USO1: variants seen among roughly 807,000 people sequenced by gnomAD.
The protein encoded by USO1 is general vesicular transport factor p115.
A neutral mutation model predicts 124.5 loss-of-function variants in USO1; 57 were observed. The ratio of observed to expected loss-of-function variants is 0.46; its 90% CI spans 0.37 to 0.57. USO1 has a LOEUF of 0.57. Among genes scored for constraint, USO1 ranks in the 20% least tolerant of loss-of-function variants. The pLI is 0.00. For synonymous variants in USO1, 369 were observed against 362.8 expected (o/e 1.02, Z -0.19); for missense variants, 900 against 1,040.6 (o/e 0.86, Z 1.86).
At chr4:75,781,771 T>A (rs894852669) in intron 8 of USO1, among the ~76,000 whole-genome samples, 1 of 150,924 alleles carries the variant, frequency 6.6e-6, no homozygotes, top group Non-Finnish European at 1.5e-5. Context: ...AAAAAAAAAA[T>A]AATTTATTTT....
At position 75,809,237 on chromosome 4, in the gene USO1, A is replaced by G. The variant is rs1220135041; in HGVS notation, c.2475+186A>G. Among the ~76,000 whole-genome samples, 4 of 152,316 alleles carry G rather than the reference A, an allele frequency of 2.6e-5. No homozygotes were observed. In the East Asian group the frequency reaches 5.8e-4, roughly 22 times the overall value. On this transcript the variant is annotated intron_variant, in intron 21 of 23. Transcript: ENST00000514213. Reference sequence around the variant, plus strand: ...CAGTCGTTTTATAGTCAGTCTCACCAGATTAGTTTATTCAGTTACTTAATA... The same window carrying G: ...CAGTCGTTTTATAGTCAGTCTCACCGGATTAGTTTATTCAGTTACTTAATA...
intron 10 of USO1, among the ~76,000 whole-genome samples, chr4:75,789,567 G>A (rs533599747): frequency 1.2e-4 from 18 of 152,086 alleles, no homozygotes; most frequent in Admixed American, 3.9e-4. Flanking sequence ...GAGTCACCAC[G>A]CCTGGCCTCT....
chr4:75,733,141 C>T (rs1720686869), intron 1 of USO1, among the ~76,000 whole-genome samples: 1 of 151,756 alleles, frequency 6.6e-6, no homozygotes. Context: ...CACCTGTAGT[C>T]CCAGCTACTT....
At chr4:75,797,913 G>C (rs946960929) in intron 13 of USO1, among the ~76,000 whole-genome samples, 9 of 152,176 alleles carry the variant, frequency 5.9e-5, no homozygotes, top group African/African-American at 1.9e-4. Flanking sequence ...AAAGTGCTGG[G>C]ATTACAGGCA....
At chr4:75,745,176 A>G (rs1475490093) in intron 1 of USO1, 2 of 285,628 alleles carry the variant, frequency 7.0e-6, no homozygotes, top group African/African-American at 4.5e-5. Flanking sequence ...TTTAATTCTT[A>G]AAAGTGAGTA....
rs147274985 is a variant in USO1 at position 75,755,250 on chromosome 4, G to A, written c.219-2247G>A. Among the ~76,000 whole-genome samples the A allele has an allele frequency of 9.1e-4, 139 of 152,340 alleles. 1 individual carries two copies. Among genetic ancestry groups the A allele is most frequent in the African/African-American group, 3.2e-3 (134 of 41,574 alleles). On this transcript the variant is annotated intron_variant, in intron 3 of 23. Transcript: ENST00000514213. ...TTAATAAGTACAGCCTATACTTAAGGAGAGGAGAATTAGGCTTCACTTTTT... is the reference window on the plus strand; with the variant it reads ...TTAATAAGTACAGCCTATACTTAAGAAGAGGAGAATTAGGCTTCACTTTTT...
intron 15 of USO1, 33 bp from the exon 16 acceptor site, chr4:75,800,585 T>C (rs1430327880): frequency 1.3e-6 from 2 of 1,529,240 alleles, no homozygotes; most frequent in Non-Finnish European, 1.7e-6. Flanking sequence ...ATTTTATTTT[T>C]TTTAAAGCAT....
chr4:75,799,734 T>C lies in USO1; in HGVS notation c.1563+2T>C, dbSNP rs758962677. ...CACAATTCAGCCAATGTTCCATTTG[T>C]ATCCTTTATGTTTTAGTAACGTACA... On this transcript the variant is annotated splice_donor_variant, in intron 14 of 23. Coordinates refer to ENST00000514213, the MANE Select transcript of USO1 (RefSeq NM_003715.4). LOFTEE classifies it high-confidence loss of function. The C allele has an allele frequency of 6.2e-7, 1 of 1,613,428 alleles. No homozygotes were observed. The highest frequency in any genetic ancestry group is 1.7e-5 in the Admixed American group (1 of 59,948).
At chr4:75,758,688 G>T (rs1271926512) in intron 4 of USO1, among the ~76,000 whole-genome samples, 1 of 152,124 alleles carries the variant, frequency 6.6e-6, no homozygotes, top group Non-Finnish European at 1.5e-5. Context: ...TTCAAGAGCA[G>T]CCTGGGCAAC....
chr4:75,771,240 G>A, intron 7 of USO1, 103 bp downstream of exon 7: 1 of 1,304,306 alleles, frequency 7.7e-7, no homozygotes, highest in Non-Finnish European at 1.0e-6. Context: ...TTAGAAAGCT[G>A]GAGTAATGAC....
chr4:75,805,056 A>C (rs1577974182), intron 18 of USO1, 84 bp from the exon 19 acceptor site: 1 of 1,453,202 alleles, frequency 6.9e-7, no homozygotes, highest in African/African-American at 1.4e-5. Flanking sequence ...TGAATGAAGA[A>C]AATTACATAT....
chr4:75,787,678 C>T (rs982267433), intron 10 of USO1, among the ~76,000 whole-genome samples: 8 of 152,052 alleles, frequency 5.3e-5, no homozygotes, highest in African/African-American at 9.7e-5. Flanking sequence ...CGTGCAATAT[C>T]GAAAGTACAA....
chr4:75,782,698 G>A lies in USO1; in HGVS notation c.695G>A (p.Cys232Tyr), dbSNP rs774906118. The A allele has an allele frequency of 6.4e-7, 1 of 1,566,038 alleles. No individual in the cohort carries two copies. Among genetic ancestry groups the A allele is most frequent in the Admixed American group, 1.9e-5 (1 of 51,774 alleles). The change falls in exon 9 of 24, where the codon TGT (cysteine) becomes TAT (tyrosine). Residue 232 changes from cysteine (C) to tyrosine (Y), a missense_variant. Cys to Tyr is a radical substitution (Grantham distance 194). This residue lies in a region of USO1 where 538 missense variants were observed against 681.6 expected (regional missense o/e 0.79). Coordinates refer to ENST00000514213, the MANE Select transcript of USO1 (RefSeq NM_003715.4). ...NSDGGIVVED[C>Y]LILLQNLLKN... ...TCCCCAGGTATAGTAGTTGAAGATT[G>A]TTTGATTTTGCTCCAAAACTTATTA... is the stretch of plus-strand genomic sequence containing the variant.
chr4:75,754,009 G>A (rs1346779353), intron 3 of USO1, among the ~76,000 whole-genome samples: 3 of 151,254 alleles, frequency 2.0e-5, no homozygotes, highest in African/African-American at 7.3e-5. Flanking sequence ...GGATGGTCTC[G>A]ATCTCCTGAT....
intron 7 of USO1, 87 bp from the exon 8 acceptor site, chr4:75,774,589 A>G: frequency 6.8e-7 from 1 of 1,468,816 alleles, no homozygotes; most frequent in East Asian, 2.4e-5. Context: ...AATCTCTGCC[A>G]GTTCTAAAAT....
chr4:75,735,037 ACAATATTGATTCTTTGATC>A (rs1488112437), intron 1 of USO1, among the ~76,000 whole-genome samples: 1 of 151,916 alleles, frequency 6.6e-6, no homozygotes, highest in African/African-American at 2.4e-5. Flanking sequence ...CCCCATTTTA[ACAATATTGATTCTTTGATC>A]CATGAGCATG....
intron 22 of USO1, among the ~76,000 whole-genome samples, chr4:75,810,976 G>A (rs952242038): frequency 1.3e-5 from 2 of 151,982 alleles, no homozygotes. Flanking sequence ...TGATCCACCT[G>A]CCTTGGCCTC....
intron 8 of USO1, among the ~76,000 whole-genome samples, chr4:75,779,167 T>C (rs932279559): frequency 6.6e-6 from 1 of 152,302 alleles, no homozygotes; most frequent in South Asian, 2.1e-4. Flanking sequence ...CTCCACAGAC[T>C]GGCCCATCCT....
At chr4:75,760,238 A>T (rs1021243061) in intron 4 of USO1, among the ~76,000 whole-genome samples, 1 of 152,160 alleles carries the variant, frequency 6.6e-6, no homozygotes, top group South Asian at 2.1e-4. Context: ...AAAAATAAAA[A>T]TAAAAATAGA....
Sources: allele counts gnomAD v4.1 joint callset (sites outside exome capture counted in the v4.1 genomes callset), GRCh38; gene constraint gnomAD v4.1.1; regional missense constraint gnomAD v4.1.1; transcripts MANE v1.5; gene names NCBI Gene and HGNC (gene_info 2026-07-23, HGNC 2026-07-21).